The following ZNF521 variants were observed in gnomAD, a reference collection of about 807,000 sequenced individuals.
The protein encoded by ZNF521 is zinc finger protein 521.
Under a neutral mutation model 105.5 loss-of-function variants are expected in ZNF521, and 14 were observed. That is an observed-to-expected ratio of 0.13 (90% confidence interval 0.09 to 0.21). The LOEUF (loss-of-function observed/expected upper bound fraction) is 0.21, where lower values mean the gene tolerates loss of function less well. Among genes scored for constraint, ZNF521 ranks in the 10% least tolerant of loss-of-function variants. The pLI, the probability that ZNF521 is intolerant of heterozygous loss-of-function variation, is 1.00. For missense variants in ZNF521, 1,233 were observed against 1,629.7 expected (o/e 0.76, Z 4.19); for synonymous variants, 635 against 606.0 (o/e 1.05, Z -0.70).
chr18:25,071,344 T>G (rs566266670), intron 7 of ZNF521, among the ~76,000 whole-genome samples: 2 of 152,322 alleles, frequency 1.3e-5, no homozygotes, highest in South Asian at 4.1e-4. Context: ...TGTTCATTCT[T>G]TTAGTGACTT....
chr18:25,077,651 G>A (rs2033394357), intron 7 of ZNF521, among the ~76,000 whole-genome samples: 1 of 152,184 alleles, frequency 6.6e-6, no homozygotes, highest in African/African-American at 2.4e-5. Flanking sequence ...GATGAGAGAT[G>A]CTAAACAATG....
intron 4 of ZNF521, among the ~76,000 whole-genome samples, chr18:25,209,163 G>A (rs953013607): frequency 2.0e-5 from 3 of 150,734 alleles, no homozygotes; most frequent in Admixed American, 6.6e-5. Flanking sequence ...ACAGCATCTC[G>A]CTCTGTCACC....
intron 5 of ZNF521, among the ~76,000 whole-genome samples, chr18:25,117,304 A>G (rs1404859505): frequency 6.6e-6 from 1 of 151,994 alleles, no homozygotes; most frequent in East Asian, 1.9e-4. Context: ...TCTGAGTTCA[A>G]TAGAGGTACC....
At chr18:25,268,384 AC>A (rs1909417693) in intron 3 of ZNF521, among the ~76,000 whole-genome samples, 1 of 152,210 alleles carries the variant, frequency 6.6e-6, no homozygotes, top group African/African-American at 2.4e-5. Context: ...AGGAGAACTT[AC>A]CCAACCTAGC....
chr18:25,272,553 A>G (rs1024556330), intron 3 of ZNF521, among the ~76,000 whole-genome samples: 2 of 152,214 alleles, frequency 1.3e-5, no homozygotes, highest in South Asian at 4.1e-4. Context: ...AAAATATGGC[A>G]TATATACACC....
At chr18:25,331,351 T>G (rs189503045) in intron 2 of ZNF521, among the ~76,000 whole-genome samples, 8 of 151,730 alleles carry the variant, frequency 5.3e-5, no homozygotes. Context: ...GGAAAACAAA[T>G]TATTTGAAAA....
intron 5 of ZNF521, among the ~76,000 whole-genome samples, chr18:25,143,909 G>T (rs1600087970): frequency 6.6e-6 from 1 of 152,112 alleles, no homozygotes; most frequent in Admixed American, 6.6e-5. Context: ...CAACCTTTTG[G>T]TTGGTTTATA....
chr18:25,315,372 T>G (rs541505772), intron 3 of ZNF521, among the ~76,000 whole-genome samples: 1 of 152,300 alleles, frequency 6.6e-6, no homozygotes, highest in South Asian at 2.1e-4. Context: ...CCAGGAAAAT[T>G]GCACCATGAG....
intron 2 of ZNF521, among the ~76,000 whole-genome samples, chr18:25,348,749 A>G (rs528276378): frequency 1.3e-5 from 2 of 152,348 alleles, no homozygotes; most frequent in African/African-American, 4.8e-5. Context: ...ACATGACGAT[A>G]AAAGAATAAA....
At chr18:25,203,276 T>C (rs573670724) in intron 4 of ZNF521, among the ~76,000 whole-genome samples, 1 of 152,236 alleles carries the variant, frequency 6.6e-6, no homozygotes, top group South Asian at 2.1e-4. Context: ...CTGGGAGAGA[T>C]AGGACGTGAT....
intron 5 of ZNF521, among the ~76,000 whole-genome samples, chr18:25,098,614 G>C (rs1262835218): frequency 6.6e-6 from 1 of 152,094 alleles, no homozygotes; most frequent in Non-Finnish European, 1.5e-5. Context: ...GGATAAGGAC[G>C]GGAGTGAGGA....
intron 2 of ZNF521, among the ~76,000 whole-genome samples, chr18:25,347,482 A>G (rs1483437759): frequency 6.6e-6 from 1 of 152,178 alleles, no homozygotes; most frequent in African/African-American, 2.4e-5. Flanking sequence ...TAGAAAAGTG[A>G]ATCTTTTCGG....
chr18:25,230,074 C>G (rs761941973), intron 3 of ZNF521, among the ~76,000 whole-genome samples: 5 of 152,102 alleles, frequency 3.3e-5, no homozygotes, highest in Non-Finnish European at 7.4e-5. Flanking sequence ...TTCAGTGACA[C>G]GTCAAGTGAG....
At chr18:25,233,593 G>C (rs185272335) in intron 3 of ZNF521, among the ~76,000 whole-genome samples, 31 of 152,100 alleles carry the variant, frequency 2.0e-4, no homozygotes, top group Middle Eastern at 3.4e-3. Context: ...TGTGAAGAGC[G>C]GGAGTTGGTG....
chr18:25,310,186 CATAG>C (rs1306897986), intron 3 of ZNF521, among the ~76,000 whole-genome samples: 1 of 152,078 alleles, frequency 6.6e-6, no homozygotes, highest in Non-Finnish European at 1.5e-5. Context: ...GTCTTCATTA[CATAG>C]ATAAACTGAC....
chr18:25,321,645 T>G (rs1035522063), intron 3 of ZNF521, among the ~76,000 whole-genome samples: 1 of 152,200 alleles, frequency 6.6e-6, no homozygotes, highest in East Asian at 1.9e-4. Flanking sequence ...GGAAGTGTTA[T>G]CTAAGCTAAC....
At chr18:25,347,490 C>T (rs1256032293) in intron 2 of ZNF521, among the ~76,000 whole-genome samples, 5 of 152,086 alleles carry the variant, frequency 3.3e-5, no homozygotes, top group African/African-American at 9.7e-5. Context: ...TGAATCTTTT[C>T]GGTGTTTAAC....
chr18:25,293,385 C>CAA (rs1197726442), intron 3 of ZNF521, among the ~76,000 whole-genome samples: 6 of 151,096 alleles, frequency 4.0e-5, no homozygotes, highest in East Asian at 2.0e-4. Context: ...CACACACACA[C>CAA]AAATTCCTTA....
chr18:25,127,337 A>G (rs79295023), intron 5 of ZNF521, among the ~76,000 whole-genome samples: 3,157 of 152,120 alleles, frequency 0.021, 97 homozygotes, highest in African/African-American at 0.07. Flanking sequence ...ACTTCCTAGC[A>G]GAGTAATAGC....
Sources: gnomAD v4.1 joint callset for allele counts (sites outside exome capture counted in the v4.1 genomes callset) on GRCh38, gnomAD v4.1.1 for gene constraint, MANE v1.5 for transcripts, NCBI Gene and HGNC (gene_info 2026-07-23, HGNC 2026-07-21) for gene names.